The following KDM4B variants were observed in gnomAD, a reference collection of about 807,000 sequenced individuals.
The protein encoded by KDM4B is lysine demethylase 4B.
Under a neutral mutation model 125.2 loss-of-function variants are expected in KDM4B, and 32 were observed. The ratio of observed to expected loss-of-function variants is 0.26; its 90% CI spans 0.19 to 0.34. The LOEUF (loss-of-function observed/expected upper bound fraction) is 0.34. Ranked by LOEUF, KDM4B falls within the 10% of genes least tolerant of loss-of-function variation. The pLI is 1.00. For missense variants in KDM4B, 1,190 were observed against 1,577.7 expected, an observed-to-expected ratio of 0.75 and a Z score of 4.16; for synonymous variants, 721 against 677.9, an observed-to-expected ratio of 1.06 and a Z score of -0.99.
At chr19:5,064,469 TG>T (rs918386898) in intron 6 of KDM4B, among the ~76,000 whole-genome samples, 7 of 45,100 alleles carry the variant, frequency 1.6e-4, no homozygotes, top group Non-Finnish European at 3.3e-4. Context: ...GCGGCGGGGG[TG>T]GGGGGTAGGG....
Position 5,017,803 on chromosome 19 carries a change from T to C in KDM4B, c.-26+1464T>C, listed in dbSNP as rs191343299. On this transcript the variant is annotated intron_variant, in intron 2 of 22. Transcript: ENST00000159111. Reference sequence around the variant, plus strand: ...TCACCCAGGCTGGAGTGCAGTGGCGTGATCTCAGCTCACTGCAAGCTCCGC... The same window carrying C: ...TCACCCAGGCTGGAGTGCAGTGGCGCGATCTCAGCTCACTGCAAGCTCCGC... 5.7e-3 allele frequency among the ~76,000 whole-genome samples: 863 copies of C among 152,120 alleles called. 6 individuals carry two copies. The highest frequency in any genetic ancestry group is 0.02 in the African/African-American group (828 of 41,494).
At chr19:5,119,132 A>G in intron 10 of KDM4B, 1 of 1,531,684 alleles carries the variant, frequency 6.5e-7, no homozygotes, top group South Asian at 1.2e-5. Flanking sequence ...ATTAGTCTGA[A>G]AGAAAACAGA....
intron 1 of KDM4B, among the ~76,000 whole-genome samples, chr19:5,001,550 T>C (rs2035385816): frequency 6.6e-6 from 1 of 152,246 alleles, no homozygotes; most frequent in African/African-American, 2.4e-5. Flanking sequence ...GTGAGTAACC[T>C]GGTGTATATG....
chr19:5,115,307 C>T lies in KDM4B; in HGVS notation c.1116-4346C>T, dbSNP rs1462775533. Among the ~76,000 whole-genome samples the T allele has an allele frequency of 1.3e-5, 2 of 152,104 alleles. No individual in the cohort carries two copies. The highest frequency in any genetic ancestry group is 2.9e-5 in the Non-Finnish European group (2 of 68,004). The stretch of plus-strand genomic sequence containing the variant: ...GGATGTGGGGGCAACCAGCAGAAGA[C>T]AGTGGGTGGCTCTGGGCAGAAGGGA... On this transcript the variant is annotated intron_variant, in intron 10 of 22. Transcript: ENST00000159111. This position sits in a 1 kb window ranked among gnomAD's most constrained non-coding sequence, Gnocchi z 4.2.
In KDM4B at chr19:5,131,082, G is replaced by C; in HGVS notation, c.1322G>C (p.Gly441Ala). The C allele has an allele frequency of 6.6e-7, 1 of 1,510,098 alleles. No homozygotes were observed. Among genetic ancestry groups the C allele is most frequent in the Non-Finnish European group, 8.9e-7 (1 of 1,128,996 alleles). The allele number at this position is 1,510,098 out of a possible 1,614,324, so 93.5% of individuals were successfully genotyped here. Residue 441 changes from glycine to alanine, a missense_variant, in exon 12 of 23, where the codon GGG (glycine) becomes GCG (alanine). Gly to Ala is a moderately conservative substitution (Grantham distance 60). Coordinates refer to ENST00000159111, the MANE Select transcript of KDM4B (RefSeq NM_015015.3). ...GREAEGAEED[G>A]RGKLRPTKAK... ...CCCTCTCCTCTTCCCACAGAGGACG[G>C]GAGGGGCAAGCTGCGGCCAACCAAG...
Position 5,097,967 on chromosome 19 carries a change from C to T in KDM4B, c.919-12655C>T, listed in dbSNP as rs116849502. On this transcript the variant is annotated intron_variant, in intron 9 of 22. Coordinates refer to ENST00000159111, the MANE Select transcript of KDM4B (RefSeq NM_015015.3). ...TCTCAGGCATGGGGGGCGCAAATGT[C>T]AGTCGGGAGCTGTCAAGCTCTGTGG... is the stretch of plus-strand genomic sequence containing the variant. Among the ~76,000 whole-genome samples the T allele has an allele frequency of 2.0e-3, 306 of 152,326 alleles. 1 individual carries two copies. The highest frequency in any genetic ancestry group is 0.01 in the Middle Eastern group (3 of 294).
At chr19:5,088,655 G>C (rs1361387409) in intron 9 of KDM4B, among the ~76,000 whole-genome samples, 3 of 98,036 alleles carry the variant, frequency 3.1e-5, no homozygotes, top group Non-Finnish European at 2.2e-5. Context: ...GACAGGCCAG[G>C]CCCCCCCCCT....
intron 1 of KDM4B, among the ~76,000 whole-genome samples, chr19:5,014,402 G>C (rs1299927245): frequency 1.3e-5 from 2 of 152,168 alleles, no homozygotes; most frequent in African/African-American, 2.4e-5. Context: ...TCAGCCTCCC[G>C]AGTAGCTGGG....
chr19:5,132,890 C>T (rs371087935), intron 13 of KDM4B, among the ~76,000 whole-genome samples: 3 of 152,206 alleles, frequency 2.0e-5, no homozygotes, highest in Admixed American at 6.5e-5. Flanking sequence ...CCCTGGGCTC[C>T]GCTGGCGGTA....
chr19:5,045,334 C>T (rs1288598679), intron 5 of KDM4B, among the ~76,000 whole-genome samples: 1 of 152,210 alleles, frequency 6.6e-6, no homozygotes, highest in African/African-American at 2.4e-5. Context: ...GCCTGTTTGC[C>T]ATCTGTGTGT....
intron 1 of KDM4B, among the ~76,000 whole-genome samples, chr19:5,003,489 A>G (rs1366920465): frequency 3.0e-5 from 2 of 66,840 alleles, no homozygotes; most frequent in African/African-American, 6.0e-5. Context: ...CTCAAAATAA[A>G]CAAACAAACA....
intron 9 of KDM4B, among the ~76,000 whole-genome samples, chr19:5,095,668 G>C (rs2145931503): frequency 6.6e-6 from 1 of 152,336 alleles, no homozygotes; most frequent in African/African-American, 2.4e-5. Flanking sequence ...TAGGAGGAGG[G>C]AGAGGGCTGG....
At chr19:5,034,564 C>T (rs58250802) in intron 3 of KDM4B, among the ~76,000 whole-genome samples, 49,791 of 152,146 alleles carry the variant, frequency 0.33, 8,437 homozygotes, top group Non-Finnish European at 0.36. Flanking sequence ...CTTCATAACT[C>T]AAAGGCTATA....
At chr19:5,138,149 C>A in intron 18 of KDM4B, 79 bp downstream of exon 18, 1 of 1,084,972 alleles carries the variant, frequency 9.2e-7, no homozygotes, top group Non-Finnish European at 1.4e-6. Flanking sequence ...CCTGCGCGAT[C>A]TGAAGCGGTC....
chr19:5,002,401 CTTTCT>C (rs1307046561), intron 1 of KDM4B, among the ~76,000 whole-genome samples: 1 of 92,692 alleles, frequency 1.1e-5, no homozygotes, highest in Non-Finnish European at 2.4e-5. Flanking sequence ...CTTTCCTTTC[CTTTCT>C]CTCTCCTTTC....
intron 10 of KDM4B, chr19:5,112,369 T>C (rs1160126171): frequency 6.5e-6 from 1 of 154,344 alleles, no homozygotes; most frequent in Non-Finnish European, 1.4e-5. Flanking sequence ...GTGGCCTTGG[T>C]GTGGGGGCAG....
intron 1 of KDM4B, among the ~76,000 whole-genome samples, chr19:5,011,535 C>G (rs574775475): frequency 1.4e-4 from 22 of 152,170 alleles, no homozygotes; most frequent in Non-Finnish European, 3.2e-4. Context: ...GGGTGGGAGG[C>G]AGGAGATGGC....
At chr19:5,150,307 C>T in intron 21 of KDM4B, 51 bp from the exon 22 acceptor site, 2 of 1,484,050 alleles carry the variant, frequency 1.3e-6, no homozygotes, top group Non-Finnish European at 9.2e-7. Flanking sequence ...CTGCCTGGAG[C>T]ACCTGCCATC....
chr19:4,978,049 G>A (rs1299228386), intron 1 of KDM4B, among the ~76,000 whole-genome samples: 1 of 152,234 alleles, frequency 6.6e-6, no homozygotes, highest in African/African-American at 2.4e-5. Context: ...CGGGCCGCGT[G>A]GATCTGATTG....
Sources: gnomAD v4.1 joint callset for allele counts (sites outside exome capture counted in the v4.1 genomes callset) on GRCh38, gnomAD v4.1.1 for gene constraint, Gnocchi (gnomAD v3.1) non-coding constraint, MANE v1.5 for transcripts, NCBI Gene and HGNC (gene_info 2026-07-23, HGNC 2026-07-21) for gene names.